Variants in DIP2A observed in about 807,000 individuals in gnomAD.
The protein encoded by DIP2A is DIP2 acetate--CoA ligase A, also known as disco-interacting protein 2 homolog A.
In DIP2A, 85 loss-of-function variants were observed where a neutral mutation model predicts 177.4. That is an observed-to-expected ratio of 0.48 (90% CI 0.40 to 0.57). The LOEUF is 0.57. Among genes scored for constraint, DIP2A ranks in the 20% least tolerant of loss-of-function variants. The pLI, the probability that DIP2A is intolerant of heterozygous loss-of-function variation, is 0.00. For synonymous variants in DIP2A, 886 were observed against 881.8 expected (o/e 1.00, Z -0.08); for missense variants, 1,791 against 2,100.2 (o/e 0.85, Z 2.88).
the DIP2A span, among the ~76,000 whole-genome samples, chr21:46,581,523 G>A: frequency 2.0e-5 from 3 of 152,154 alleles, no homozygotes; most frequent in African/African-American, 7.2e-5. Context: ...AAGGAGAAGA[G>A]GCACTCTGGC....
At chr21:46,515,659 C>G (rs2058541502) in intron 8 of DIP2A, among the ~76,000 whole-genome samples, 3 of 152,214 alleles carry the variant, frequency 2.0e-5, no homozygotes, top group East Asian at 3.9e-4. Flanking sequence ...ACCTCAGCCT[C>G]CCTTTTACCT....
intron 1 of DIP2A, 62 bp from the exon 2 acceptor site, chr21:46,484,695 T>A (rs2148435517): frequency 4.9e-6 from 7 of 1,424,844 alleles, no homozygotes; most frequent in Non-Finnish European, 6.7e-6. Context: ...TAAATTGATG[T>A]TTAATTTTAA....
intron 8 of DIP2A, among the ~76,000 whole-genome samples, chr21:46,523,647 G>A (rs2058933221): frequency 7.4e-6 from 1 of 134,736 alleles, no homozygotes; most frequent in South Asian, 2.2e-4. Context: ...ATAAACTTTA[G>A]CCAATAAGCT....
intron 16 of DIP2A, 143 bp from the exon 17 acceptor site, chr21:46,539,734 C>T (rs1262514010): frequency 4.2e-6 from 3 of 720,242 alleles, no homozygotes; most frequent in Non-Finnish European, 5.1e-6. Flanking sequence ...CTGAGGGTAC[C>T]TGTGAAGGGG....
intron 22 of DIP2A, chr21:46,550,142 A>G: frequency 1.0e-6 from 1 of 969,332 alleles, no homozygotes; most frequent in Non-Finnish European, 1.4e-6. Context: ...TCTGATGAGA[A>G]CATTTGAAAT....
chr21:46,509,001 G>C (rs543156843), intron 6 of DIP2A, among the ~76,000 whole-genome samples: 2 of 152,164 alleles, frequency 1.3e-5, no homozygotes, highest in African/African-American at 4.8e-5. Context: ...CCTGGCAACA[G>C]AGTGAGTCTC....
rs1436583246 is a variant in DIP2A, at chr21:46,556,412, G to A, written c.3498+321G>A. On this transcript the variant is annotated intron_variant, in intron 29 of 37. Transcript: ENST00000417564. The surrounding 1 kb of genome is among the most constrained non-coding windows in gnomAD (Gnocchi z 4.5). ...AATTAAAATTTTTCAGGCGGGGCGTGGTGGCTCACGCCTGTAATCCCAGCA... is the reference window on the plus strand; with the variant it reads ...AATTAAAATTTTTCAGGCGGGGCGTAGTGGCTCACGCCTGTAATCCCAGCA... The A allele has an allele frequency of 3.0e-6, 4 of 1,334,022 alleles. No homozygotes were observed. In the East Asian group the frequency reaches 1.9e-4, roughly 65 times the overall value. The allele number at this position is 1,334,022 out of a possible 1,614,324, so 82.6% of individuals were successfully genotyped here. A position where few individuals can be genotyped will look rare whatever the true frequency, so the allele number is the denominator to read the frequency against.
At chr21:46,538,428 G>A in intron 15 of DIP2A, 55 bp from the exon 16 acceptor site, 1 of 1,528,666 alleles carries the variant, frequency 6.5e-7, no homozygotes, top group East Asian at 2.5e-5. Flanking sequence ...CTGTAGGCGT[G>A]TGAGGGTGCC....
chr21:46,529,813 C>G (rs1291845600), intron 9 of DIP2A, among the ~76,000 whole-genome samples: 6 of 152,020 alleles, frequency 3.9e-5, no homozygotes, highest in African/African-American at 1.4e-4. Context: ...GTCTGAAACC[C>G]TGCTGTGAAA....
At chr21:46,504,586 A>C in intron 6 of DIP2A, 97 bp downstream of exon 6, 2 of 1,414,440 alleles carry the variant, frequency 1.4e-6, no homozygotes, top group South Asian at 2.9e-5. Context: ...TAGCAAACCC[A>C]AGCCAAACGT....
downstream of DIP2A, among the ~76,000 whole-genome samples, chr21:46,571,577 T>A (rs9984735): frequency 0.13 from 20,265 of 152,046 alleles, 1,891 homozygotes; most frequent in African/African-American, 0.27. Flanking sequence ...TATTCCCTTG[T>A]GCAGTGGTTT....
rs1294796408 is a variant in DIP2A at position 46,550,591 on chromosome 21, C to G, written c.2686C>G (p.Pro896Ala). Reference sequence around the variant, plus strand: ...GGGCGTGTACTGTCTGGCCCTGGTTCCTGCCAACACCTTGCCCAAGGCTCC... The same window carrying G: ...GGGCGTGTACTGTCTGGCCCTGGTTGCTGCCAACACCTTGCCCAAGGCTCC... ...QVGVYCLALV[P>A]ANTLPKAPLG... The change falls in exon 23 of 38, where the codon CCT (proline) becomes GCT (alanine). Residue 896 changes from proline to alanine, a missense_variant. Pro to Ala is a conservative substitution (Grantham distance 27). Coordinates refer to ENST00000417564, the MANE Select transcript of DIP2A (RefSeq NM_015151.4). 3 of 1,613,668 alleles carry G rather than the reference C, an allele frequency of 1.9e-6. No homozygotes were observed. Among genetic ancestry groups the G allele is most frequent in the Non-Finnish European group, 2.5e-6 (3 of 1,179,814 alleles).
chr21:46,496,870 C>T (rs1568971396), intron 3 of DIP2A, 118 bp from the exon 4 acceptor site: 8 of 992,966 alleles, frequency 8.1e-6, no homozygotes, highest in Non-Finnish European at 1.1e-5. Context: ...TGAGGATAGA[C>T]AGAGAGAGCT....
intron 5 of DIP2A, among the ~76,000 whole-genome samples, chr21:46,502,235 C>T (rs1041803425): frequency 5.9e-5 from 9 of 151,940 alleles, no homozygotes; most frequent in Non-Finnish European, 1.0e-4. Flanking sequence ...TTCTGGGCTC[C>T]AGTGGTCCTT....
rs748942237 is a variant in DIP2A, at chr21:46,546,932, C to T, written c.2412C>T (p.Ile804=). 28 of 1,613,716 alleles carry T rather than the reference C, an allele frequency of 1.7e-5. No individual in the cohort carries two copies. Among genetic ancestry groups the T allele is most frequent in the African/African-American group, 9.3e-5 (7 of 74,908 alleles). Residue 804 remains isoleucine, a synonymous_variant, in exon 21 of 38, where the codon ATC becomes ATT. Coordinates refer to ENST00000417564, the MANE Select transcript of DIP2A (RefSeq NM_015151.4). ...GFIGPDNLVF[I]VGKLDGLMVT... ...TCCCTCAGGACAACCTGGTCTTCAT[C>T]GTGGGCAAACTGGACGGGCTGATGG... is the stretch of plus-strand genomic sequence containing the variant.
intron 2 of DIP2A, among the ~76,000 whole-genome samples, chr21:46,487,639 A>G (rs1167459483): frequency 6.6e-6 from 1 of 152,250 alleles, no homozygotes; most frequent in Admixed American, 6.5e-5. Context: ...TTGGTTTGAT[A>G]TGAAGATAGA....
At position 46,532,159 on chromosome 21, in the gene DIP2A, G is replaced by T. The variant is rs753316767; in HGVS notation, c.1227G>T (p.Val409=). The T allele has an allele frequency of 6.8e-6, 11 of 1,613,790 alleles. No homozygotes were observed. Among genetic ancestry groups the T allele is most frequent in the Admixed American group, 5.0e-5 (3 of 60,000 alleles). The change falls in exon 10 of 38, where the codon GTG becomes GTT. Residue 409 remains valine (V), a synonymous_variant. Transcript: ENST00000417564. ...VALVFPNSDP[V]MFMVAFYGCL... ...TCGTGTTTCCGAATAGTGACCCTGT[G>T]ATGTTCATGGTTGCATTTTATGGGT...
intron 13 of DIP2A, 31 bp downstream of exon 13, chr21:46,534,718 C>T (rs1165769559): frequency 1.3e-6 from 2 of 1,574,262 alleles, no homozygotes; most frequent in Admixed American, 1.7e-5. Context: ...GGCGGTGGCC[C>T]CTCCAGCCTC....
rs546110011 is a variant in DIP2A at position 46,538,654 on chromosome 21, A to C, written c.1921+52A>C. Reference sequence around the variant, plus strand: ...TACCCCACACAGTGTCCCCTCCTGCAAACCAAAGTAGAATACACTGAGAAG... The same window carrying C: ...TACCCCACACAGTGTCCCCTCCTGCCAACCAAAGTAGAATACACTGAGAAG... On this transcript the variant is annotated intron_variant, in intron 16 of 37. Coordinates refer to ENST00000417564, the MANE Select transcript of DIP2A (RefSeq NM_015151.4). 8.5e-6 allele frequency: 13 copies of C among 1,535,848 alleles called. No homozygotes were observed. The East Asian group carries it at 3.2e-4, about 38-fold the overall frequency.
Sources: gnomAD v4.1 joint callset for allele counts (sites outside exome capture counted in the v4.1 genomes callset) on GRCh38, gnomAD v4.1.1 for gene constraint, Gnocchi (gnomAD v3.1) non-coding constraint, MANE v1.5 for transcripts, NCBI Gene and HGNC (gene_info 2026-07-23, HGNC 2026-07-21) for gene names.